Variants in DEPDC1B observed in about 807,000 individuals in gnomAD.
DEPDC1B encodes DEP domain-containing protein 1B.
A neutral mutation model predicts 66.5 loss-of-function variants in DEPDC1B; 51 were observed. That is an observed-to-expected ratio of 0.77 (90% CI 0.61 to 0.97). The LOEUF (loss-of-function observed/expected upper bound fraction) is 0.97. Among genes scored for constraint, DEPDC1B ranks in the 50% least tolerant of loss-of-function variants. DEPDC1B has a pLI of 0.00. For missense variants in DEPDC1B, 552 were observed against 637.1 expected (o/e 0.87, Z 1.44); for synonymous variants, 226 against 223.6 (o/e 1.01, Z -0.10).
chr5:60,679,900 G>T (rs1754257952), intron 2 of DEPDC1B, among the ~76,000 whole-genome samples: 1 of 152,108 alleles, frequency 6.6e-6, no homozygotes, highest in Admixed American at 6.5e-5. Flanking sequence ...ATACACAGAT[G>T]GGCAGAAGCA....
intron 2 of DEPDC1B, among the ~76,000 whole-genome samples, chr5:60,675,230 A>G (rs1754128492): frequency 1.3e-5 from 2 of 152,186 alleles, no homozygotes; most frequent in South Asian, 4.1e-4. Flanking sequence ...GAGGATTCCT[A>G]CAAAATAGAA....
At chr5:60,667,633 ATATATGAAAAATGGATATTTTACATG>A (rs1330652668) in intron 2 of DEPDC1B, among the ~76,000 whole-genome samples, 39 of 136,630 alleles carry the variant, frequency 2.9e-4, no homozygotes, top group East Asian at 1.3e-3. Flanking sequence ...GATATTTTAC[ATATATGAAAAATGGATATTTTACATG>A]TATATAATGG....
At chr5:60,699,148 G>A (rs550798097) in intron 1 of DEPDC1B, among the ~76,000 whole-genome samples, 65 of 152,262 alleles carry the variant, frequency 4.3e-4, no homozygotes, top group Non-Finnish European at 1.0e-4. Context: ...TACATTATCT[G>A]TATCCCAGCA....
At chr5:60,659,274 C>G (rs934929583) in intron 2 of DEPDC1B, among the ~76,000 whole-genome samples, 4 of 152,150 alleles carry the variant, frequency 2.6e-5, no homozygotes, top group African/African-American at 9.7e-5. Flanking sequence ...CCCCCTCCAC[C>G]CCCCGTAACA....
chr5:60,688,959 T>C, intron 1 of DEPDC1B: 1 of 454,054 alleles, frequency 2.2e-6, no homozygotes, highest in Non-Finnish European at 4.4e-6. Flanking sequence ...ACTAACTCAC[T>C]GTAATACACT....
chr5:60,640,862 C>G (rs1225354199), intron 6 of DEPDC1B, among the ~76,000 whole-genome samples: 1 of 152,218 alleles, frequency 6.6e-6, no homozygotes, highest in Non-Finnish European at 1.5e-5. Flanking sequence ...CAGGTTGTGA[C>G]TTTGGTGGAC....
At chr5:60,628,942 C>G (rs1459206369) in intron 7 of DEPDC1B, among the ~76,000 whole-genome samples, 1 of 152,094 alleles carries the variant, frequency 6.6e-6, no homozygotes, top group African/African-American at 2.4e-5. Context: ...ACTTCTTTCC[C>G]AAAAGTTCTA....
intron 2 of DEPDC1B, among the ~76,000 whole-genome samples, chr5:60,649,472 TTGTC>T (rs1309707197): frequency 6.7e-6 from 1 of 149,426 alleles, no homozygotes; most frequent in Non-Finnish European, 1.5e-5. Flanking sequence ...TCTGACAACT[TTGTC>T]TGAGAAAAAA....
At chr5:60,696,024 C>A (rs1407064812) in intron 1 of DEPDC1B, among the ~76,000 whole-genome samples, 1 of 152,192 alleles carries the variant, frequency 6.6e-6, no homozygotes, top group Non-Finnish European at 1.5e-5. Flanking sequence ...GTCTTGATCT[C>A]CTGACCTCGT....
chr5:60,674,219 C>A (rs1381521639), intron 2 of DEPDC1B, among the ~76,000 whole-genome samples: 1 of 151,912 alleles, frequency 6.6e-6, no homozygotes, highest in African/African-American at 2.4e-5. Flanking sequence ...GGAACTATGA[C>A]CCCAAATGAA....
chr5:60,624,291 A>T (rs1160679441), intron 7 of DEPDC1B, among the ~76,000 whole-genome samples: 1 of 152,192 alleles, frequency 6.6e-6, no homozygotes, highest in Non-Finnish European at 1.5e-5. Context: ...ATGATGAATT[A>T]TACTGATTGA....
intron 2 of DEPDC1B, among the ~76,000 whole-genome samples, chr5:60,650,124 G>C (rs1348512319): frequency 2.0e-5 from 3 of 152,110 alleles, no homozygotes; most frequent in Non-Finnish European, 4.4e-5. Context: ...GCTGAGATGA[G>C]AGGATCACTT....
At position 60,692,462 on chromosome 5, in the gene DEPDC1B, A is replaced by G. The variant is rs1025671582; in HGVS notation, c.49-5235T>C. On this transcript the variant is annotated intron_variant, in intron 1 of 10. Coordinates refer to ENST00000265036, the MANE Select transcript of DEPDC1B (RefSeq NM_018369.3). The stretch of plus-strand genomic sequence containing the variant: ...ATACAACTATAATTTGTCAGTTTAC[A>G]ACTTACAAAACTAAAATTTTTTTTA... Among the ~76,000 whole-genome samples, 7 of 152,190 alleles carry G rather than the reference A, an allele frequency of 4.6e-5. No homozygotes were observed. The East Asian group carries it at 1.3e-3, about 29-fold the overall frequency.
intron 6 of DEPDC1B, among the ~76,000 whole-genome samples, chr5:60,642,061 A>G (rs754478738): frequency 1.3e-5 from 2 of 152,220 alleles, no homozygotes; most frequent in Non-Finnish European, 2.9e-5. Flanking sequence ...AACTAATTTC[A>G]GTTAAACCCA....
intron 2 of DEPDC1B, among the ~76,000 whole-genome samples, chr5:60,676,616 TTG>T (rs1286725985): frequency 1.3e-5 from 2 of 152,172 alleles, no homozygotes; most frequent in Admixed American, 6.5e-5. Context: ...GGAAGCTTAT[TTG>T]TGTGTTTTTG....
intron 9 of DEPDC1B, among the ~76,000 whole-genome samples, chr5:60,602,096 G>T (rs1002455705): frequency 2.2e-5 from 3 of 137,916 alleles, no homozygotes; most frequent in South Asian, 4.9e-4. Context: ...TTAACAGAAT[G>T]TAAGTGGCAG....
intron 7 of DEPDC1B, among the ~76,000 whole-genome samples, chr5:60,622,099 C>T (rs1752716889): frequency 6.6e-6 from 1 of 151,912 alleles, no homozygotes; most frequent in Non-Finnish European, 1.5e-5. Flanking sequence ...TAAAATACTA[C>T]AAAAATGTAC....
intron 7 of DEPDC1B, among the ~76,000 whole-genome samples, chr5:60,617,542 G>T (rs2111767798): frequency 6.6e-6 from 1 of 152,202 alleles, no homozygotes; most frequent in Non-Finnish European, 1.5e-5. Context: ...AGACAAAGAA[G>T]GCCATTACAT....
intron 6 of DEPDC1B, among the ~76,000 whole-genome samples, chr5:60,641,130 T>C (rs973498738): frequency 6.6e-6 from 1 of 152,176 alleles, no homozygotes; most frequent in Non-Finnish European, 1.5e-5. Context: ...CTCACATCTT[T>C]GCTCTCCACT....
Sources: gnomAD v4.1 joint callset for allele counts (sites outside exome capture counted in the v4.1 genomes callset) on GRCh38, gnomAD v4.1.1 for gene constraint, MANE v1.5 for transcripts, NCBI Gene and HGNC (gene_info 2026-07-23, HGNC 2026-07-21) for gene names.